PTDSS1: variants seen among roughly 807,000 people sequenced by gnomAD.
PTDSS1 encodes PSS-1.
In PTDSS1, 45 loss-of-function variants were observed where a neutral mutation model predicts 70.5. The ratio of observed to expected loss-of-function variants is 0.64; its 90% CI spans 0.50 to 0.82. The LOEUF is 0.82. PTDSS1 is among the 40% of genes least tolerant of loss of function. PTDSS1 has a pLI of 0.00. For synonymous variants in PTDSS1, 188 were observed against 203.8 expected (o/e 0.92, Z 0.66); for missense variants, 417 against 586.1 (o/e 0.71, Z 2.98).
chr8:96,273,513 A>C, intron 2 of PTDSS1, 123 bp downstream of exon 2: 1 of 733,894 alleles, frequency 1.4e-6, no homozygotes. Context: ...GGTTAGGGGC[A>C]CAGGCTCTGG....
chr8:96,311,884 T>A (rs1207310418), intron 9 of PTDSS1, among the ~76,000 whole-genome samples: 1 of 152,218 alleles, frequency 6.6e-6, no homozygotes, highest in Non-Finnish European at 1.5e-5. Flanking sequence ...CCCCTCCTTC[T>A]AAAGGATTGT....
chr8:96,268,738 CAGA>C (rs1281334087), intron 1 of PTDSS1, among the ~76,000 whole-genome samples: 1 of 151,644 alleles, frequency 6.6e-6, no homozygotes, highest in Non-Finnish European at 1.5e-5. Context: ...CAATGCTCTG[CAGA>C]AGAAGCCAAG....
At chr8:96,329,793 TC>T (rs1250507277) in intron 10 of PTDSS1, among the ~76,000 whole-genome samples, 1 of 152,046 alleles carries the variant, frequency 6.6e-6, no homozygotes, top group Non-Finnish European at 1.5e-5. Flanking sequence ...TGTGACCTCT[TC>T]CCCCTAGAAG....
At chr8:96,279,279 C>G (rs1247711488) in intron 2 of PTDSS1, among the ~76,000 whole-genome samples, 2 of 151,928 alleles carry the variant, frequency 1.3e-5, no homozygotes, top group Non-Finnish European at 2.9e-5. Flanking sequence ...GCACACCTGG[C>G]TGCACTCAGC....
chr8:96,315,089 A>G (rs780774315), intron 9 of PTDSS1, among the ~76,000 whole-genome samples: 8 of 152,140 alleles, frequency 5.3e-5, no homozygotes, highest in Non-Finnish European at 8.8e-5. Flanking sequence ...AATTGTATCT[A>G]TTGTTTATGC....
chr8:96,281,294 AT>A (rs1450379616), intron 2 of PTDSS1, among the ~76,000 whole-genome samples: 1 of 152,236 alleles, frequency 6.6e-6, no homozygotes, highest in African/African-American at 2.4e-5. Flanking sequence ...ACTTTAAAAA[AT>A]TCAGAGTTTC....
intron 2 of PTDSS1, among the ~76,000 whole-genome samples, chr8:96,273,978 T>G (rs774790287): frequency 1.3e-5 from 2 of 152,214 alleles, no homozygotes. Flanking sequence ...GTTTAAAAAG[T>G]AAGTTTGGTG....
chr8:96,317,305 G>A (rs767450090), intron 9 of PTDSS1, among the ~76,000 whole-genome samples: 6 of 151,898 alleles, frequency 4.0e-5, no homozygotes, highest in African/African-American at 1.2e-4. Flanking sequence ...TCCCATAGCC[G>A]GCCCCCTCAC....
chr8:96,265,459 T>C (rs1180335838), intron 1 of PTDSS1, among the ~76,000 whole-genome samples: 1 of 152,188 alleles, frequency 6.6e-6, no homozygotes, highest in African/African-American at 2.4e-5. Flanking sequence ...TAAACCATAG[T>C]ATTTAAATAT....
At chr8:96,303,092 G>A (rs940490299) in intron 6 of PTDSS1, among the ~76,000 whole-genome samples, 1 of 152,124 alleles carries the variant, frequency 6.6e-6, no homozygotes, top group Admixed American at 6.5e-5. Flanking sequence ...CCTCTTTGCT[G>A]TATTAAATAT....
At chr8:96,310,624 A>G (rs1811197414) in intron 9 of PTDSS1, among the ~76,000 whole-genome samples, 2 of 152,048 alleles carry the variant, frequency 1.3e-5, no homozygotes, top group Admixed American at 1.3e-4. Context: ...TCATGGGCTG[A>G]CCCACACCCC....
intron 5 of PTDSS1, among the ~76,000 whole-genome samples, chr8:96,299,041 GAAA>G (rs1554584242): frequency 8.5e-6 from 1 of 117,586 alleles, no homozygotes. Context: ...CTCTGTCTCA[GAAA>G]AAAAAAAAAA....
At chr8:96,328,416 G>A (rs1033297945) in intron 10 of PTDSS1, among the ~76,000 whole-genome samples, 9 of 152,180 alleles carry the variant, frequency 5.9e-5, no homozygotes, top group African/African-American at 1.9e-4. Context: ...AGAAATCTGG[G>A]CAAGCATTAG....
At chr8:96,287,777 A>C (rs912359224) in intron 4 of PTDSS1, among the ~76,000 whole-genome samples, 2 of 152,194 alleles carry the variant, frequency 1.3e-5, no homozygotes, top group Non-Finnish European at 2.9e-5. Flanking sequence ...TTCTTGGCTA[A>C]AACGACTCTA....
At chr8:96,317,789 T>C (rs1171145402) in intron 9 of PTDSS1, among the ~76,000 whole-genome samples, 1 of 151,804 alleles carries the variant, frequency 6.6e-6, no homozygotes, top group East Asian at 1.9e-4. Flanking sequence ...AAGCCAGTGA[T>C]TGGGTTCTGG....
At chr8:96,329,154 T>C (rs751322645) in intron 10 of PTDSS1, among the ~76,000 whole-genome samples, 9 of 152,112 alleles carry the variant, frequency 5.9e-5, no homozygotes, top group Non-Finnish European at 1.2e-4. Context: ...GTCCCCACAG[T>C]TGGTGCAAGA....
At chr8:96,310,683 T>C (rs1018253379) in intron 9 of PTDSS1, among the ~76,000 whole-genome samples, 22 of 152,154 alleles carry the variant, frequency 1.4e-4, no homozygotes, top group African/African-American at 5.3e-4. Context: ...GCTTGCTATA[T>C]ACTGAAGTAT....
At chr8:96,328,764 C>T (rs186417220) in intron 10 of PTDSS1, among the ~76,000 whole-genome samples, 1 of 152,336 alleles carries the variant, frequency 6.6e-6, no homozygotes, top group East Asian at 1.9e-4. Context: ...AGCTCGACTG[C>T]AAGCTGCCAT....
intron 6 of PTDSS1, among the ~76,000 whole-genome samples, chr8:96,300,432 C>T (rs1024594176): frequency 6.6e-6 from 1 of 152,174 alleles, no homozygotes. Context: ...TCATCCTTTT[C>T]TTTGCTGACT....
Sources: gnomAD v4.1 joint callset for allele counts (sites outside exome capture counted in the v4.1 genomes callset) on GRCh38, gnomAD v4.1.1 for gene constraint, MANE v1.5 for transcripts, NCBI Gene and HGNC (gene_info 2026-07-23, HGNC 2026-07-21) for gene names.